CEACAM5: variants seen among roughly 807,000 people sequenced by gnomAD.
The protein encoded by CEACAM5 is CEA cell adhesion molecule 5.
Under a neutral mutation model 63.0 loss-of-function variants are expected in CEACAM5, and 52 were observed. That is an observed-to-expected ratio of 0.83 (90% confidence interval 0.66 to 1.04). The LOEUF is 1.04. Ranked by LOEUF, CEACAM5 falls within the 50% of genes least tolerant of loss-of-function variation. CEACAM5 has a pLI of 0.00. For synonymous variants in CEACAM5, 357 were observed against 351.3 expected, an observed-to-expected ratio of 1.02 and a Z score of -0.18; for missense variants, 790 against 864.8, an observed-to-expected ratio of 0.91 and a Z score of 1.08.
chr19:41,717,852 G>T, intron 5 of CEACAM5, 119 bp downstream of exon 5: 3 of 1,327,980 alleles, frequency 2.3e-6, no homozygotes, highest in Non-Finnish European at 3.1e-6. Flanking sequence ...TGGACATCCA[G>T]GCTGGCCCTA....
chr19:41,719,897 C>A, intron 6 of CEACAM5, 33 bp from the exon 7 acceptor site: 5 of 1,612,740 alleles, frequency 3.1e-6, no homozygotes, highest in Non-Finnish European at 4.2e-6. Flanking sequence ...AAAAGTGCCA[C>A]ACAGGGCAAT....
At chr19:41,713,576 C>T (rs1194154535) in intron 2 of CEACAM5, among the ~76,000 whole-genome samples, 2 of 152,216 alleles carry the variant, frequency 1.3e-5, no homozygotes, top group Non-Finnish European at 2.9e-5. Flanking sequence ...GAACAACTCT[C>T]CATTCCCCCA....
chr19:41,720,204 C>A lies in CEACAM5; in HGVS notation c.1767C>A (p.Val589=). 6.2e-7 allele frequency: 1 copy of A among 1,613,392 alleles called. No homozygotes were observed. Among genetic ancestry groups the A allele is most frequent in the South Asian group, 1.1e-5 (1 of 91,040 alleles). ...ANRSDPVTLD[V]LYGPDTPIIS... ...GCAGTGACCCAGTCACCCTGGATGT[C>A]CTCTGTGAGTATCTTCTGTTCCTCT... Residue 589 remains valine (V), a synonymous_variant, in exon 7 of 10, where the codon GTC becomes GTA. Coordinates refer to ENST00000221992, the MANE Select transcript of CEACAM5 (RefSeq NM_004363.6).
At position 41,709,905 on chromosome 19, in the gene CEACAM5, G is replaced by A. The variant is rs1478679920; in HGVS notation, c.290G>A (p.Gly97Asp). The A allele has an allele frequency of 4.3e-6, 7 of 1,613,962 alleles. No homozygotes were observed. In the African/African-American group the frequency reaches 8.0e-5, roughly 18 times the overall value. The stretch of plus-strand genomic sequence containing the variant: ...GCTACCCCAGGGCCCGCATACAGTG[G>A]TCGAGAGATAATATACCCCAATGCA... ...QQATPGPAYS[G>D]REIIYPNASL... The change falls in exon 2 of 10, where the codon GGT becomes GAT. Residue 97 changes from glycine (G) to aspartate (D), a missense_variant. Transcript: ENST00000221992.
rs1287007958 is a variant in CEACAM5, at chr19:41,708,774, T to C, written c.43T>C (p.Trp15Arg). The C allele has an allele frequency of 1.4e-5, 23 of 1,611,898 alleles. No individual in the cohort carries two copies. The Admixed American group carries it at 3.7e-4, about 26-fold the overall frequency. The stretch of plus-strand genomic sequence containing the variant: ...CCCTCCCCACAGATGGTGCATCCCC[T>C]GGCAGAGGCTCCTGCTCACAGGTGA... ...SAPPHRWCIP[W>R]QRLLLTASLL... Residue 15 changes from tryptophan to arginine, a missense_variant, in exon 1 of 10, where the codon TGG becomes CGG. Physicochemically the swap from Trp to Arg is moderately radical, Grantham distance 101. Coordinates refer to ENST00000221992, the MANE Select transcript of CEACAM5 (RefSeq NM_004363.6).
At chr19:41,712,469 C>T (rs1397591421) in intron 2 of CEACAM5, among the ~76,000 whole-genome samples, 5 of 152,234 alleles carry the variant, frequency 3.3e-5, no homozygotes, top group African/African-American at 1.2e-4. Flanking sequence ...GAGGCTTCTC[C>T]TCTTTTTGCC....
Position 41,715,923 on chromosome 19 carries a change from C to A in CEACAM5, c.958+19C>A, listed in dbSNP as rs2122793617. The A allele has an allele frequency of 1.9e-6, 3 of 1,607,966 alleles. No homozygotes were observed. Among genetic ancestry groups the A allele is most frequent in the Non-Finnish European group, 2.6e-6 (3 of 1,175,414 alleles). On this transcript the variant is annotated intron_variant, in intron 4 of 9. Transcript: ENST00000221992. ...GTCTATGGTAAGTGGATCCACGAAG[C>A]ACTGACATCATGTTTTGAGGTGGAG...
At position 41,709,821 on chromosome 19, in the gene CEACAM5, A is replaced by G; in HGVS notation, c.206A>G (p.Lys69Arg). Reference protein sequence around the residue: ...PQHLFGYSWYKGERVDGNRQI... With the variant: ...PQHLFGYSWYRGERVDGNRQI... ...CATCTTTTTGGCTACAGCTGGTACA[A>G]AGGTGAAAGAGTGGATGGCAACCGT... The change falls in exon 2 of 10, where the codon AAA becomes AGA. Residue 69 changes from lysine (K) to arginine (R), a missense_variant. By Grantham distance (26) the Lys-to-Arg change is conservative. Coordinates refer to ENST00000221992, the MANE Select transcript of CEACAM5 (RefSeq NM_004363.6). 6.2e-7 allele frequency: 1 copy of G among 1,614,132 alleles called. No individual in the cohort carries two copies. Among genetic ancestry groups the G allele is most frequent in the Non-Finnish European group, 8.5e-7 (1 of 1,180,026 alleles).
intron 7 of CEACAM5, 92 bp downstream of exon 7, chr19:41,720,300 A>G (rs1555815928): frequency 2.1e-6 from 3 of 1,452,826 alleles, no homozygotes; most frequent in African/African-American, 2.8e-5. Flanking sequence ...AGGTCCAAAG[A>G]GGCAGACTCC....
At chr19:41,715,549 AT>A in intron 3 of CEACAM5, 100 bp from the exon 4 acceptor site, 2 of 1,463,122 alleles carry the variant, frequency 1.4e-6, no homozygotes, top group Admixed American at 1.7e-5. Flanking sequence ...AGACTTTAGG[AT>A]TGTGATTCAG....
At chr19:41,714,684 G>T (rs2072490064) in intron 2 of CEACAM5, among the ~76,000 whole-genome samples, 1 of 151,970 alleles carries the variant, frequency 6.6e-6, no homozygotes, top group Non-Finnish European at 1.5e-5. Flanking sequence ...ACCAGGAGAG[G>T]CACCAGGAGC....
At chr19:41,713,237 G>A (rs1173201273) in intron 2 of CEACAM5, among the ~76,000 whole-genome samples, 1 of 152,134 alleles carries the variant, frequency 6.6e-6, no homozygotes, top group African/African-American at 2.4e-5. Flanking sequence ...CCCGGGAGGT[G>A]GAGGTTGCAG....
rs1555815287 is a variant in CEACAM5 at position 41,717,634 on chromosome 19, C to T, written c.1138C>T (p.Leu380=). 1 of 1,614,216 alleles carries T rather than the reference C, an allele frequency of 6.2e-7. No homozygotes were observed. The highest frequency in any genetic ancestry group is 8.5e-7 in the Non-Finnish European group (1 of 1,180,028). ...QLSNDNRTLT[L]LSVTRNDVGP... Reference sequence around the variant, plus strand: ...GTCCAATGACAACAGGACCCTCACTCTACTCAGTGTCACAAGGAATGATGT... The same window carrying T: ...GTCCAATGACAACAGGACCCTCACTTTACTCAGTGTCACAAGGAATGATGT... Residue 380 remains leucine (L), a synonymous_variant, in exon 5 of 10, where the codon CTA becomes TTA. Coordinates refer to ENST00000221992, the MANE Select transcript of CEACAM5 (RefSeq NM_004363.6).
rs369194625 is a variant in CEACAM5, at chr19:41,727,416, G to A, written c.*36+64G>A. ...AGTGCTGACTGCCATGCTTGGGAGAGGGAAGGGATTTCTTCACCTGTATCT... is the reference window on the plus strand; with the variant it reads ...AGTGCTGACTGCCATGCTTGGGAGAAGGAAGGGATTTCTTCACCTGTATCT... On this transcript the variant is annotated intron_variant, in intron 9 of 9. Coordinates refer to ENST00000221992, the MANE Select transcript of CEACAM5 (RefSeq NM_004363.6). The A allele has an allele frequency of 6.6e-4, 556 of 846,554 alleles. 3 individuals carry two copies. In the African/African-American group the frequency reaches 8.7e-3, roughly 13 times the overall value. 52.4% of individuals were successfully genotyped at this position (846,554 alleles called of 1,614,324 possible). A position where few individuals can be genotyped will look rare whatever the true frequency, so the allele number is the denominator to read the frequency against.
chr19:41,714,587 T>C (rs565355251), intron 2 of CEACAM5, among the ~76,000 whole-genome samples: 224 of 152,266 alleles, frequency 1.5e-3, no homozygotes, highest in South Asian at 3.1e-3. Context: ...GGAAACAAAG[T>C]AGGACTGAAG....
chr19:41,710,931 G>A (rs1285034556), intron 2 of CEACAM5, among the ~76,000 whole-genome samples: 6 of 152,226 alleles, frequency 3.9e-5, no homozygotes, highest in African/African-American at 1.4e-4. Flanking sequence ...CCTACTTATT[G>A]AAAGGAAATT....
rs2072594390 is a variant in CEACAM5 at position 41,720,067 on chromosome 19, A to T, written c.1630A>T (p.Ser544Cys). Residue 544 changes from serine to cysteine, a missense_variant, in exon 7 of 10, where the codon AGT becomes TGT. Ser to Cys is a moderately radical substitution (Grantham distance 112). Coordinates refer to ENST00000221992, the MANE Select transcript of CEACAM5 (RefSeq NM_004363.6). ...GGTAAATGGTCAGAGCCTCCCAGTC[A>T]GTCCCAGGCTGCAGCTGTCCAATGG... ...WWVNGQSLPV[S>C]PRLQLSNGNR... The T allele has an allele frequency of 1.2e-6, 2 of 1,614,256 alleles. No individual in the cohort carries two copies. Among genetic ancestry groups the T allele is most frequent in the Admixed American group, 1.7e-5 (1 of 60,028 alleles).
At position 41,718,314 on chromosome 19, in the gene CEACAM5, A is replaced by G; in HGVS notation, c.1424A>G (p.Tyr475Cys). Residue 475 changes from tyrosine to cysteine, a missense_variant, in exon 6 of 10, where the codon TAT becomes TGT. Tyr to Cys is a radical substitution (Grantham distance 194, BLOSUM62 -2). Coordinates refer to ENST00000221992, the MANE Select transcript of CEACAM5 (RefSeq NM_004363.6). ...SNITEKNSGL[Y>C]TCQANNSASG... The stretch of plus-strand genomic sequence containing the variant: ...ATCACTGAGAAGAACAGCGGACTCT[A>G]TACCTGCCAGGCCAATAACTCAGCC... 1 of 1,614,214 alleles carries G rather than the reference A, an allele frequency of 6.2e-7. No individual in the cohort carries two copies. The highest frequency in any genetic ancestry group is 1.1e-5 in the South Asian group (1 of 91,080).
intron 4 of CEACAM5, among the ~76,000 whole-genome samples, chr19:41,716,216 C>G (rs1555815059): frequency 1.3e-5 from 2 of 152,270 alleles, no homozygotes; most frequent in Non-Finnish European, 2.9e-5. Context: ...TTGCTTCTCT[C>G]TGTCACCAAT....
Sources: gnomAD v4.1 joint callset for allele counts (sites outside exome capture counted in the v4.1 genomes callset) on GRCh38, gnomAD v4.1.1 for gene constraint, MANE v1.5 for transcripts, NCBI Gene and HGNC (gene_info 2026-07-23, HGNC 2026-07-21) for gene names.